ZNF823: variants seen among roughly 807,000 people sequenced by gnomAD.
ZNF823 encodes the protein ZFP 36 for a zinc finger protein.
Under a neutral mutation model 11.4 loss-of-function variants are expected in ZNF823, and 5 were observed. The observed-to-expected ratio is 0.44, with a 90% CI of 0.23 to 0.92. ZNF823 has a LOEUF of 0.92. ZNF823 is among the 40% of genes least tolerant of loss of function. ZNF823 has a pLI of 0.24. For missense variants in ZNF823, 582 were observed against 738.5 expected (o/e 0.79, Z 2.46); for synonymous variants, 234 against 250.5 (o/e 0.93, Z 0.62).
At chr19:11,733,365 CAAAA>C (rs34650100) in intron 1 of ZNF823, among the ~76,000 whole-genome samples, 12 of 95,416 alleles carry the variant, frequency 1.3e-4, no homozygotes, top group African/African-American at 4.1e-4. Context: ...GACTCCATCT[CAAAA>C]AAAAAAAAAA....
At position 11,722,415 on chromosome 19, in the gene ZNF823, C is replaced by T. The variant is rs763583081; in HGVS notation, c.1119G>A (p.Ser373=). The stretch of plus-strand genomic sequence containing the variant: ...GTGTTATCATGTGACTTCGAAAGCT[C>T]GAGCTATGAGATAACACTTTCCCAC... The part of the protein sequence containing the change: ...KQCGKVLSHS[S]SFRSHMITHT... The change falls in exon 4 of 4, where the codon TCG becomes TCA. Residue 373 remains serine, a synonymous_variant. Coordinates refer to ENST00000341191, the MANE Select transcript of ZNF823 (RefSeq NM_001080493.4). This position sits in a 1 kb window ranked among gnomAD's most constrained non-coding sequence, Gnocchi z 5.2. The T allele has an allele frequency of 1.3e-5, 21 of 1,612,874 alleles. No individual in the cohort carries two copies. The highest frequency in any genetic ancestry group is 1.8e-5 in the Non-Finnish European group (21 of 1,179,768).
At chr19:11,726,287 C>CATATATATATATATAT (rs139368397) in intron 1 of ZNF823, among the ~76,000 whole-genome samples, 9 of 112,240 alleles carry the variant, frequency 8.0e-5, no homozygotes, top group African/African-American at 1.7e-4. Context: ...ATAAAAAATA[C>CATATATATATATATAT]ATATATATAT....
Position 11,724,273 on chromosome 19 carries a change from A to G in ZNF823, c.131-19T>C, listed in dbSNP as rs750738413. 15 of 1,583,620 alleles carry G rather than the reference A, an allele frequency of 9.5e-6. No homozygotes were observed. On this transcript the variant is annotated intron_variant, in intron 2 of 3. Transcript: ENST00000341191. ...TTCATTTCTAAAAGGTAGACCCAGG[A>G]AAATCACTAAAAATGTTTACAAAAT...
At chr19:11,731,323 C>CA (rs1314300115) in intron 1 of ZNF823, among the ~76,000 whole-genome samples, 4 of 151,578 alleles carry the variant, frequency 2.6e-5, no homozygotes, top group Non-Finnish European at 5.9e-5. Context: ...CTCAAAAAAA[C>CA]AAAAAAACCT....
rs1391583275 is a variant in ZNF823 at position 11,722,741 on chromosome 19, TTAGA to T, written c.789_792del (p.Tyr263Ter). On this transcript the variant is annotated frameshift_variant, in exon 4 of 4. Coordinates refer to ENST00000341191, the MANE Select transcript of ZNF823 (RefSeq NM_001080493.4). LOFTEE classifies it low-confidence loss of function (END_TRUNC). This position sits in a 1 kb window ranked among gnomAD's most constrained non-coding sequence, Gnocchi z 5.2. ...TCTCCGGTGTGAGTTCTCTCATGTC[TTAGA>T]TAGGTACTGTAATCAGGAAAGGCTT... 3 of 1,614,114 alleles carry T rather than the reference TTAGA, an allele frequency of 1.9e-6. No homozygotes were observed. The highest frequency in any genetic ancestry group is 2.7e-5 in the African/African-American group (2 of 74,936).
rs542584064 is a variant in ZNF823, at chr19:11,725,907, C to A, written c.4-580G>T. ...AACAGGAGTTTAGGACCAGCATGGG[C>A]AACATAGTGAGCCCTTTTCTCAACA... On this transcript the variant is annotated intron_variant, in intron 1 of 3. Coordinates refer to ENST00000341191, the MANE Select transcript of ZNF823 (RefSeq NM_001080493.4). 6 of 152,544 alleles carry A rather than the reference C, an allele frequency of 3.9e-5. No homozygotes were observed. In the South Asian group the frequency reaches 8.3e-4, roughly 21 times the overall value. 9.4% of individuals were successfully genotyped at this position (152,544 alleles called of 1,614,324 possible). A position where few individuals can be genotyped will look rare whatever the true frequency, so the allele number is the denominator to read the frequency against.
chr19:11,723,459 T>A, intron 3 of ZNF823, 117 bp from the exon 4 acceptor site: 1 of 905,874 alleles, frequency 1.1e-6, no homozygotes, highest in Non-Finnish European at 1.6e-6. Flanking sequence ...TCATCCCCTG[T>A]TTGAATGTGA....
At chr19:11,724,555 C>CTTT (rs751508496) in intron 2 of ZNF823, among the ~76,000 whole-genome samples, 26 of 126,116 alleles carry the variant, frequency 2.1e-4, no homozygotes, top group South Asian at 2.6e-4. Context: ...AGTTTCTCAT[C>CTTT]TTTTTTTTTT....
chr19:11,726,009 C>T (rs540310508), intron 1 of ZNF823: 1 of 148,348 alleles, frequency 6.7e-6, no homozygotes, highest in South Asian at 2.1e-4. Flanking sequence ...AGGTGGATCA[C>T]TTAAGCCCAG....
In ZNF823 at chr19:11,721,986, G is replaced by T; in HGVS notation, c.1548C>A (p.Val516=). The T allele has an allele frequency of 6.2e-7, 1 of 1,613,940 alleles. No homozygotes were observed. The highest frequency in any genetic ancestry group is 8.5e-7 in the Non-Finnish European group (1 of 1,179,990). ...KAFSHFSNLK[V]HERIHSGEKP... ...TCTCTCCAGAGTGAATCCTTTCATG[G>T]ACTTTTAAGTTACTGAAATGACTGA... The change falls in exon 4 of 4, where the codon GTC becomes GTA. Residue 516 remains valine, a synonymous_variant. Transcript: ENST00000341191.
chr19:11,724,110 A>G (rs1974746049), intron 3 of ZNF823, 84 bp downstream of exon 3: 11 of 1,162,442 alleles, frequency 9.5e-6, no homozygotes, highest in Admixed American at 2.7e-5. Context: ...GGGCTTGTTC[A>G]TTTTCTCTGC....
At chr19:11,727,892 C>CTT (rs60028045) in intron 1 of ZNF823, among the ~76,000 whole-genome samples, 113 of 145,896 alleles carry the variant, frequency 7.7e-4, no homozygotes, top group Non-Finnish European at 1.3e-3. Context: ...TTCTTTCTTT[C>CTT]TTTTTTTTTT....
In ZNF823 at chr19:11,723,130, G is replaced by C. The variant is rs1435068723; in HGVS notation, c.404C>G (p.Pro135Arg). ...TTTCCCACGTTGTTTATGTGTATAT[G>C]GCTTCTCTCCATATTCCTGATGCTC... ...SCEHQEYGEK[P>R]YTHKQRGKAI... The change falls in exon 4 of 4, where the codon CCA becomes CGA. Residue 135 changes from proline (P) to arginine (R), a missense_variant. This residue lies in a region of ZNF823 where 429 missense variants were observed against 553.7 expected (regional missense o/e 0.77). Transcript: ENST00000341191. 1 of 1,614,170 alleles carries C rather than the reference G, an allele frequency of 6.2e-7. No homozygotes were observed. The highest frequency in any genetic ancestry group is 2.2e-5 in the East Asian group (1 of 44,882).
At position 11,722,756 on chromosome 19, in the gene ZNF823, A is replaced by T. The variant is rs772555930; in HGVS notation, c.778T>A (p.Tyr260Asn). Residue 260 changes from tyrosine to asparagine, a missense_variant, in exon 4 of 4, where the codon TAC (tyrosine) becomes AAC (asparagine). Transcript: ENST00000341191. This position sits in a 1 kb window ranked among gnomAD's most constrained non-coding sequence, Gnocchi z 5.2. ...CKQCSKAFPD[Y>N]STYLRHERTH... Reference sequence around the variant, plus strand: ...CTCTCATGTCTTAGATAGGTACTGTAATCAGGAAAGGCTTTGGAACACTGC... The same window carrying T: ...CTCTCATGTCTTAGATAGGTACTGTTATCAGGAAAGGCTTTGGAACACTGC... 6.2e-7 allele frequency: 1 copy of T among 1,614,066 alleles called. No homozygotes were observed. Among genetic ancestry groups the T allele is most frequent in the South Asian group, 1.1e-5 (1 of 91,078 alleles).
intron 1 of ZNF823, among the ~76,000 whole-genome samples, chr19:11,734,770 C>T (rs966598327): frequency 6.6e-6 from 1 of 152,072 alleles, no homozygotes; most frequent in Non-Finnish European, 1.5e-5. Context: ...AACTCTTGAC[C>T]TCAGGTGATC....
chr19:11,722,014 G>C lies in ZNF823; in HGVS notation c.1520C>G (p.Ala507Gly), dbSNP rs1173945245. 6.8e-6 allele frequency: 11 copies of C among 1,614,032 alleles called. No individual in the cohort carries two copies. The highest frequency in any genetic ancestry group is 7.6e-6 in the Non-Finnish European group (9 of 1,180,010). ...KPYECKTCRK[A>G]FSHFSNLKVH... The stretch of plus-strand genomic sequence containing the variant: ...TTTTAAGTTACTGAAATGACTGAAG[G>C]CTTTTCTACATGTTTTACACTCATA... The change falls in exon 4 of 4, where the codon GCC becomes GGC. Residue 507 changes from alanine (A) to glycine (G), a missense_variant. By Grantham distance (60) the Ala-to-Gly change is moderately conservative. Coordinates refer to ENST00000341191, the MANE Select transcript of ZNF823 (RefSeq NM_001080493.4). The surrounding 1 kb of genome is among the most constrained non-coding windows in gnomAD (Gnocchi z 5.2).
rs898079242 is a variant in ZNF823 at position 11,738,877 on chromosome 19, G to C, written c.-58C>G. 1 of 1,585,844 alleles carries C rather than the reference G, an allele frequency of 6.3e-7. No individual in the cohort carries two copies. ...TAAAAGCCAGTGTGGGTCCCAGCGCGACAGACGCTGATACAGACCTTCCAG... is the reference window on the plus strand; with the variant it reads ...TAAAAGCCAGTGTGGGTCCCAGCGCCACAGACGCTGATACAGACCTTCCAG... On this transcript the variant is annotated 5_prime_UTR_variant, in exon 1 of 4. Coordinates refer to ENST00000341191, the MANE Select transcript of ZNF823 (RefSeq NM_001080493.4).
rs751415159 is a variant in ZNF823 at position 11,722,599 on chromosome 19, G to A, written c.935C>T (p.Thr312Met). ...QPYACKQCGKTFYHHTSFRRH... is the reference protein window; with the variant it reads ...QPYACKQCGKMFYHHTSFRRH... ...TCGAAAGCTTGTGTGATGATAAAAC[G>A]TTTTCCCACATTGCTTACATGCATA... Residue 312 changes from threonine (T) to methionine (M), a missense_variant, in exon 4 of 4, where the codon ACG (threonine) becomes ATG (methionine). By Grantham distance (81) the Thr-to-Met change is moderately conservative (BLOSUM62 -1). Around this residue, in one of 3 missense-constraint regions of ZNF823, gnomAD observed 429 missense variants for 553.7 expected, o/e 0.77. Coordinates refer to ENST00000341191, the MANE Select transcript of ZNF823 (RefSeq NM_001080493.4). The surrounding 1 kb of genome is among the most constrained non-coding windows in gnomAD (Gnocchi z 5.2). 6 of 1,613,910 alleles carry A rather than the reference G, an allele frequency of 3.7e-6. No homozygotes were observed. Among genetic ancestry groups the A allele is most frequent in the African/African-American group, 2.7e-5 (2 of 74,864 alleles).
intron 1 of ZNF823, among the ~76,000 whole-genome samples, chr19:11,727,354 C>CA (rs1423017955): frequency 3.3e-5 from 5 of 151,264 alleles, no homozygotes; most frequent in South Asian, 4.2e-4. Flanking sequence ...ACTAAAAATA[C>CA]AAAAAAAATT....
Sources: gnomAD v4.1 joint callset for allele counts (sites outside exome capture counted in the v4.1 genomes callset) on GRCh38, gnomAD v4.1.1 for gene constraint, gnomAD v4.1.1 regional missense constraint, Gnocchi (gnomAD v3.1) non-coding constraint, MANE v1.5 for transcripts, NCBI Gene and HGNC (gene_info 2026-07-23, HGNC 2026-07-21) for gene names.